Variants in TMEM232 observed in about 807,000 individuals in gnomAD.
TMEM232 encodes the protein transmembrane protein 232.
TMEM232 carries 80 observed loss-of-function variants against 78.8 expected under a neutral mutation model. The observed-to-expected ratio is 1.01, with a 90% confidence interval of 0.85 to 1.22. The LOEUF (loss-of-function observed/expected upper bound fraction) is 1.22, where lower values mean the gene tolerates loss of function less well. TMEM232 is among the 50% of genes most tolerant of loss of function. The pLI is 0.00. For missense variants in TMEM232, 881 were observed against 742.2 expected, an observed-to-expected ratio of 1.19 and a Z score of -2.17; for synonymous variants, 297 against 254.3, an observed-to-expected ratio of 1.17 and a Z score of -1.60.
chr5:110,703,559 A>G (rs910750656), intron 1 of TMEM232, among the ~76,000 whole-genome samples: 4 of 152,074 alleles, frequency 2.6e-5, no homozygotes, highest in South Asian at 2.1e-4. Context: ...ATTTTATCCA[A>G]TTACCTCCAG....
intron 2 of TMEM232, among the ~76,000 whole-genome samples, chr5:110,412,993 A>C (rs914624519): frequency 6.6e-6 from 1 of 152,150 alleles, no homozygotes; most frequent in Non-Finnish European, 1.5e-5. Flanking sequence ...CTAACCTGAA[A>C]TCCATGTGTG....
At chr5:110,731,912 G>A (rs1415676491) in intron 2 of TMEM232, among the ~76,000 whole-genome samples, 1 of 152,124 alleles carries the variant, frequency 6.6e-6, no homozygotes, top group East Asian at 1.9e-4. Context: ...TGCATCATCA[G>A]GCTGCAAATT....
chr5:110,586,976 T>C (rs75579093), intron 10 of TMEM232, among the ~76,000 whole-genome samples: 1,994 of 152,172 alleles, frequency 0.013, 38 homozygotes, highest in African/African-American at 0.045. Context: ...AAAACTTGGA[T>C]GACATAAAAG....
At chr5:110,598,670 A>C (rs1232356838) in intron 10 of TMEM232, among the ~76,000 whole-genome samples, 1 of 152,036 alleles carries the variant, frequency 6.6e-6, no homozygotes, top group Admixed American at 6.6e-5. Context: ...ACCATGGAAT[A>C]CTATGCAGCC....
intron 12 of TMEM232, among the ~76,000 whole-genome samples, chr5:110,435,472 T>C (rs995821059): frequency 6.6e-6 from 1 of 150,902 alleles, no homozygotes; most frequent in Non-Finnish European, 1.5e-5. Context: ...CCTTGGATTG[T>C]GTTAACAATT....
chr5:110,617,843 A>C (rs1360152138), intron 8 of TMEM232: 1 of 153,954 alleles, frequency 6.5e-6, no homozygotes, highest in African/African-American at 2.5e-5. Context: ...AACAAACAAA[A>C]CACCTACAAA....
At chr5:110,576,842 T>C (rs1217039031) in intron 10 of TMEM232, among the ~76,000 whole-genome samples, 3 of 151,940 alleles carry the variant, frequency 2.0e-5, no homozygotes, top group African/African-American at 7.2e-5. Flanking sequence ...ATGCAGGAGA[T>C]TGAAACTGGA....
chr5:110,485,324 C>A (rs1025975457), intron 12 of TMEM232, among the ~76,000 whole-genome samples: 2 of 151,984 alleles, frequency 1.3e-5, no homozygotes, highest in African/African-American at 4.8e-5. Context: ...TTATTTTTTC[C>A]ATAAGTTATT....
At chr5:110,612,814 A>C (rs973455233) in intron 8 of TMEM232, among the ~76,000 whole-genome samples, 2 of 152,192 alleles carry the variant, frequency 1.3e-5, no homozygotes, top group Non-Finnish European at 2.9e-5. Flanking sequence ...ATTGGCTAAT[A>C]ATTCAATTAT....
intron 12 of TMEM232, among the ~76,000 whole-genome samples, chr5:110,449,475 G>A (rs1403951775): frequency 6.6e-6 from 1 of 151,788 alleles, no homozygotes; most frequent in East Asian, 1.9e-4. Flanking sequence ...TTCTGTATCA[G>A]CTGTCCAATC....
At chr5:110,723,498 T>C (rs1007539532) in intron 1 of TMEM232, among the ~76,000 whole-genome samples, 2 of 152,218 alleles carry the variant, frequency 1.3e-5, no homozygotes, top group Non-Finnish European at 2.9e-5. Flanking sequence ...TTATTATCCA[T>C]GGGTACCATT....
chr5:110,458,397 G>T (rs1226077103), intron 12 of TMEM232, among the ~76,000 whole-genome samples: 1 of 152,024 alleles, frequency 6.6e-6, no homozygotes, highest in African/African-American at 2.4e-5. Flanking sequence ...CTGGCAGGGG[G>T]CTTAACTCAG....
chr5:110,408,447 C>T (rs1755873802), intron 2 of TMEM232, among the ~76,000 whole-genome samples: 1 of 151,904 alleles, frequency 6.6e-6, no homozygotes. Context: ...TAAAAATTAG[C>T]TGGGTATGGT....
intron 12 of TMEM232, among the ~76,000 whole-genome samples, chr5:110,425,863 G>T (rs1163046750): frequency 6.6e-6 from 1 of 152,052 alleles, no homozygotes; most frequent in African/African-American, 2.4e-5. Context: ...AGTAGATCAT[G>T]TCAATCTCCT....
chr5:110,429,150 A>G (rs966552579), intron 12 of TMEM232, among the ~76,000 whole-genome samples: 3 of 151,832 alleles, frequency 2.0e-5, no homozygotes, highest in African/African-American at 4.8e-5. Context: ...AGACATATAA[A>G]CAGCCATTCA....
At chr5:110,500,331 TTTAA>T (rs1766126709) in intron 12 of TMEM232, among the ~76,000 whole-genome samples, 2 of 149,698 alleles carry the variant, frequency 1.3e-5, no homozygotes, top group African/African-American at 4.9e-5. Flanking sequence ...ACTGAAAAAG[TTTAA>T]TTTTTAATTG....
At chr5:110,592,725 T>C (rs143834566) in intron 10 of TMEM232, among the ~76,000 whole-genome samples, 1 of 152,248 alleles carries the variant, frequency 6.6e-6, no homozygotes, top group African/African-American at 2.4e-5. Context: ...CACTTGTGAA[T>C]GTACAAAGGG....
chr5:110,640,210 A>T lies in TMEM232; in HGVS notation c.343+681T>A, dbSNP rs564112097. On this transcript the variant is annotated intron_variant, in intron 4 of 13. Coordinates refer to ENST00000455884, the MANE Select transcript of TMEM232 (RefSeq NM_001039763.4). ...CACTGTGATGAAGGACCATAAAGGC[A>T]AGTTAAATACAAAATAATTCTTACT... Among the ~76,000 whole-genome samples, 8 of 152,356 alleles carry T rather than the reference A, an allele frequency of 5.3e-5. No individual in the cohort carries two copies. The South Asian group carries it at 1.7e-3, about 32-fold the overall frequency.
chr5:110,601,708 T>C (rs979552946), intron 10 of TMEM232, among the ~76,000 whole-genome samples: 1 of 152,136 alleles, frequency 6.6e-6, no homozygotes, highest in South Asian at 2.1e-4. Context: ...ATCATAAAAA[T>C]GGCAATACTG....
Sources: gnomAD v4.1 joint callset for allele counts (sites outside exome capture counted in the v4.1 genomes callset) on GRCh38, gnomAD v4.1.1 for gene constraint, MANE v1.5 for transcripts, NCBI Gene and HGNC (gene_info 2026-07-23, HGNC 2026-07-21) for gene names.